Variants in RC3H1 observed in about 807,000 individuals in gnomAD.
RC3H1 encodes the protein roquin-1.
RC3H1 carries 50 observed loss-of-function variants against 138.2 expected under a neutral mutation model. That is an observed-to-expected ratio of 0.36 (90% CI 0.29 to 0.46). The LOEUF is 0.46. Among genes scored for constraint, RC3H1 ranks in the 20% least tolerant of loss-of-function variants. The pLI is 1.00. For synonymous variants in RC3H1, 462 were observed against 489.1 expected, an observed-to-expected ratio of 0.94 and a Z score of 0.73; for missense variants, 1,031 against 1,388.1, an observed-to-expected ratio of 0.74 and a Z score of 4.09.
At position 173,936,794 on chromosome 1, in the gene RC3H1, A is replaced by C; in HGVS notation, c.*1927T>G. ...TTTTTTTTTTAAAAAAAGAAGACAA[A>C]TGTATAAGAAAACTGGAAAAAAAAA... is the stretch of plus-strand genomic sequence containing the variant. On this transcript the variant is annotated 3_prime_UTR_variant, in exon 20 of 20. Transcript: ENST00000367696. The C allele has an allele frequency of 7.2e-6, 1 of 139,170 alleles. No homozygotes were observed. The highest frequency in any genetic ancestry group is 7.3e-5 in the Admixed American group (1 of 13,698). The allele number at this position is 139,170 out of a possible 1,614,324, so 8.6% of individuals were successfully genotyped here.
In RC3H1 at chr1:173,947,383, G is replaced by A; in HGVS notation, c.2723C>T (p.Ser908Phe). The A allele has an allele frequency of 6.2e-7, 1 of 1,612,812 alleles. No individual in the cohort carries two copies. The highest frequency in any genetic ancestry group is 8.5e-7 in the Non-Finnish European group (1 of 1,178,902). ...AMAPQGAPTK[S>F]INISDYSPYG... ...GAGATTCTTACCTGAAATGTTAATAGATTTTGTAGGAGCTCCCTGAGGTGC... is the reference window on the plus strand; with the variant it reads ...GAGATTCTTACCTGAAATGTTAATAAATTTTGTAGGAGCTCCCTGAGGTGC... Residue 908 changes from serine (S) to phenylalanine (F), a missense_variant, in exon 15 of 20, where the codon TCT becomes TTT. This residue lies in a region of RC3H1 where 716 missense variants were observed against 837.9 expected (regional missense o/e 0.85). Coordinates refer to ENST00000367696, the MANE Select transcript of RC3H1 (RefSeq NM_172071.4).
intron 1 of RC3H1, among the ~76,000 whole-genome samples, chr1:174,017,013 T>C (rs1346069793): frequency 1.3e-5 from 2 of 152,198 alleles, no homozygotes; most frequent in African/African-American, 4.8e-5. Context: ...AACAAGGGAT[T>C]AAAAGCAGAG....
At chr1:173,959,705 T>C (rs1438463487) in intron 13 of RC3H1, among the ~76,000 whole-genome samples, 3 of 150,546 alleles carry the variant, frequency 2.0e-5, no homozygotes, top group Admixed American at 2.0e-4. Context: ...CAGGAGGCGG[T>C]GGTTGCAGTG....
chr1:173,985,293 A>G (rs528228603), intron 2 of RC3H1, among the ~76,000 whole-genome samples: 7 of 152,332 alleles, frequency 4.6e-5, no homozygotes, highest in South Asian at 4.1e-4. Context: ...TTGTGTAGAC[A>G]AAAGTTTTTG....
intron 1 of RC3H1, among the ~76,000 whole-genome samples, chr1:174,014,134 A>G (rs1417741642): frequency 6.6e-6 from 1 of 152,238 alleles, no homozygotes; most frequent in African/African-American, 2.4e-5. Flanking sequence ...ATTCTAGAAT[A>G]GTGGATGTAT....
chr1:173,952,297 TAGA>T (rs1306142443), intron 13 of RC3H1, among the ~76,000 whole-genome samples, 159 bp from the exon 14 acceptor site: 2 of 145,010 alleles, frequency 1.4e-5, no homozygotes, highest in Non-Finnish European at 3.0e-5. Flanking sequence ...AGTGCCACAA[TAGA>T]AGATTTTTGT....
At chr1:173,985,142 A>C (rs779925958) in intron 2 of RC3H1, among the ~76,000 whole-genome samples, 13 of 152,212 alleles carry the variant, frequency 8.5e-5, no homozygotes, top group Non-Finnish European at 1.5e-4. Context: ...TCAGTACTTC[A>C]TTCATTTTCA....
intron 13 of RC3H1, among the ~76,000 whole-genome samples, chr1:173,955,213 G>C (rs1571183992): frequency 9.9e-6 from 1 of 101,008 alleles, no homozygotes; most frequent in Non-Finnish European, 1.8e-5. Flanking sequence ...ACGACAGTGT[G>C]AAACTCTGTC....
chr1:173,945,306 T>C (rs1659085692), intron 17 of RC3H1, among the ~76,000 whole-genome samples: 1 of 152,066 alleles, frequency 6.6e-6, no homozygotes, highest in Non-Finnish European at 1.5e-5. Flanking sequence ...TTGCACTTTT[T>C]GTAGTGAAGG....
chr1:173,984,760 C>G, intron 2 of RC3H1, 141 bp from the exon 3 acceptor site: 2 of 823,686 alleles, frequency 2.4e-6, no homozygotes, highest in Non-Finnish European at 3.7e-6. Flanking sequence ...AAGATCTTTC[C>G]TATTAACATG....
chr1:173,947,727 TG>T (rs1367636763), intron 14 of RC3H1, 145 bp from the exon 15 acceptor site: 5 of 661,806 alleles, frequency 7.6e-6, no homozygotes, highest in African/African-American at 7.2e-5. Context: ...GTTGTTTTTA[TG>T]TAACACTGGT....
intron 11 of RC3H1, among the ~76,000 whole-genome samples, chr1:173,963,325 C>T (rs567742073): frequency 6.6e-6 from 1 of 151,732 alleles, no homozygotes; most frequent in African/African-American, 2.4e-5. Flanking sequence ...TCCATTAAGT[C>T]TTTTTGATTC....
chr1:174,020,570 T>C lies in RC3H1; in HGVS notation c.-151+1526A>G, dbSNP rs1230409532. Among the ~76,000 whole-genome samples, 4 of 152,110 alleles carry C rather than the reference T, an allele frequency of 2.6e-5. 1 individual carries two copies. Among genetic ancestry groups the C allele is most frequent in the South Asian group, 2.1e-4 (1 of 4,834 alleles). Reference sequence around the variant, plus strand: ...AACCTATAACCCTTAGGCCTTGCAGTTGAATGTTAACAAGTGAAAAGCAAT... The same window carrying C: ...AACCTATAACCCTTAGGCCTTGCAGCTGAATGTTAACAAGTGAAAAGCAAT... On this transcript the variant is annotated intron_variant, in intron 1 of 19. Transcript: ENST00000367696.
At chr1:173,978,677 G>T in intron 6 of RC3H1, 57 bp from the exon 7 acceptor site, 6 of 1,484,528 alleles carry the variant, frequency 4.0e-6, no homozygotes, top group East Asian at 4.8e-5. Flanking sequence ...TAAATATAAA[G>T]ATTATTTATA....
intron 9 of RC3H1, 53 bp downstream of exon 9, chr1:173,970,452 G>T: frequency 8.7e-7 from 1 of 1,147,794 alleles, no homozygotes; most frequent in Non-Finnish European, 1.3e-6. Context: ...CTGTATGTCA[G>T]CGAATTATTC....
intron 7 of RC3H1, among the ~76,000 whole-genome samples, chr1:173,974,863 T>C (rs1275291596): frequency 6.6e-6 from 1 of 152,150 alleles, no homozygotes; most frequent in Non-Finnish European, 1.5e-5. Flanking sequence ...CATAATCCCC[T>C]GAGAGATGGG....
At chr1:173,946,951 A>G in intron 15 of RC3H1, 115 bp from the exon 16 acceptor site, 2 of 699,564 alleles carry the variant, frequency 2.9e-6, no homozygotes, top group Non-Finnish European at 4.9e-6. Context: ...TATCTACCCT[A>G]AATGTCCAGA....
intron 1 of RC3H1, among the ~76,000 whole-genome samples, chr1:174,004,661 A>C (rs1661622133): frequency 6.6e-6 from 1 of 151,864 alleles, no homozygotes; most frequent in African/African-American, 2.4e-5. Context: ...CAAAAAAAAA[A>C]AAAAAAATTA....
intron 13 of RC3H1, among the ~76,000 whole-genome samples, chr1:173,952,375 G>GT (rs377134268): frequency 1.2e-3 from 77 of 62,542 alleles, no homozygotes; most frequent in South Asian, 0.012. Flanking sequence ...TTTTTTTTTT[G>GT]TTTTTTTTTT....
Sources: allele counts gnomAD v4.1 joint callset (sites outside exome capture counted in the v4.1 genomes callset), GRCh38; gene constraint gnomAD v4.1.1; regional missense constraint gnomAD v4.1.1; transcripts MANE v1.5; gene names NCBI Gene and HGNC (gene_info 2026-07-23, HGNC 2026-07-21).